Variants in POU2F1 observed in about 807,000 individuals in gnomAD.
POU2F1 encodes POU domain, class 2, transcription factor 1.
In POU2F1, 16 loss-of-function variants were observed where a neutral mutation model predicts 84.9. The observed-to-expected ratio is 0.19, with a 90% CI of 0.13 to 0.29. The LOEUF is 0.29. Ranked by LOEUF, POU2F1 falls within the 10% of genes least tolerant of loss-of-function variation. The pLI is 1.00. For missense variants in POU2F1, 738 were observed against 942.6 expected (o/e 0.78, Z 2.84); for synonymous variants, 368 against 368.3 (o/e 1.00, Z 0.01).
At chr1:167,259,049 C>T (rs1234123182) in intron 1 of POU2F1, among the ~76,000 whole-genome samples, 2 of 152,160 alleles carry the variant, frequency 1.3e-5, no homozygotes, top group East Asian at 1.9e-4. Flanking sequence ...CTGATCTTAA[C>T]CAGGCTTACT....
Position 167,413,039 on chromosome 1 carries a change from A to G in POU2F1, c.1915A>G (p.Ser639Gly), listed in dbSNP as rs757515631. 14 of 1,613,822 alleles carry G rather than the reference A, an allele frequency of 8.7e-6. No individual in the cohort carries two copies. In the South Asian group the frequency reaches 8.8e-5, roughly 10 times the overall value. Residue 639 changes from serine to glycine, a missense_variant, in exon 15 of 16, where the codon AGT (serine) becomes GGT (glycine). Ser to Gly is a moderately conservative substitution (Grantham distance 56). Coordinates refer to ENST00000367866, the MANE Select transcript of POU2F1 (RefSeq NM_002697.4). Reference sequence around the variant, plus strand: ...TTGGACTTGCAGAGGTGCCTTACTCAGTCTGAATCCAGGGACCCTGAGCGG... The same window carrying G: ...TTGGACTTGCAGAGGTGCCTTACTCGGTCTGAATCCAGGGACCCTGAGCGG... Reference protein sequence around the residue: ...SQFAAGGALLSLNPGTLSGAL... With the variant: ...SQFAAGGALLGLNPGTLSGAL...
At chr1:167,306,730 T>C (rs1181028843) in intron 1 of POU2F1, among the ~76,000 whole-genome samples, 3 of 152,180 alleles carry the variant, frequency 2.0e-5, no homozygotes, top group African/African-American at 7.2e-5. Context: ...TCCATCCCTC[T>C]CTTCTTGTCT....
rs559195321 is a variant in POU2F1, at chr1:167,225,126, C to T, written c.61+4168C>T. Among the ~76,000 whole-genome samples, 4 of 152,334 alleles carry T rather than the reference C, an allele frequency of 2.6e-5. No homozygotes were observed. In the East Asian group the frequency reaches 7.7e-4, roughly 29 times the overall value. On this transcript the variant is annotated intron_variant, in intron 1 of 15. Coordinates refer to ENST00000367866, the MANE Select transcript of POU2F1 (RefSeq NM_002697.4). Reference sequence around the variant, plus strand: ...TACAGGCGTGAGCCACCATGCCCAGCCCGTTGTCACTTTCTTAACTCTCCC... The same window carrying T: ...TACAGGCGTGAGCCACCATGCCCAGTCCGTTGTCACTTTCTTAACTCTCCC...
chr1:167,311,926 G>A (rs1009698383), intron 1 of POU2F1, among the ~76,000 whole-genome samples: 2 of 150,890 alleles, frequency 1.3e-5, no homozygotes, highest in African/African-American at 4.9e-5. Context: ...CACACCAAGC[G>A]TGGCTAATTT....
chr1:167,416,092 A>G lies in POU2F1; in HGVS notation c.*282A>G, dbSNP rs1486055906. On this transcript the variant is annotated 3_prime_UTR_variant, in exon 16 of 16. Transcript: ENST00000367866. ...AGAACTTTCTAACCAAAAATTAAAA[A>G]AAAAAAAAAAAAAAGAAACAAAAAA... The G allele has an allele frequency of 7.4e-6, 4 of 537,960 alleles. No homozygotes were observed. The highest frequency in any genetic ancestry group is 1.4e-5 in the Non-Finnish European group (4 of 293,410). The allele number at this position is 537,960 out of a possible 1,614,324, so 33.3% of individuals were successfully genotyped here. A position where few individuals can be genotyped will look rare whatever the true frequency, so the allele number is the denominator to read the frequency against.
At chr1:167,285,741 G>A (rs573744256) in intron 1 of POU2F1, among the ~76,000 whole-genome samples, 19 of 152,084 alleles carry the variant, frequency 1.2e-4, no homozygotes, top group Non-Finnish European at 1.8e-4. Context: ...TTTATCAGTT[G>A]CTATTTAATT....
intron 1 of POU2F1, among the ~76,000 whole-genome samples, chr1:167,310,206 A>G (rs1333483362): frequency 6.6e-6 from 1 of 152,178 alleles, no homozygotes; most frequent in East Asian, 1.9e-4. Flanking sequence ...AAAGGGGAAT[A>G]AAGAAATTGC....
chr1:167,237,763 TA>T (rs1649587834), intron 1 of POU2F1, among the ~76,000 whole-genome samples: 2,688 of 41,434 alleles, frequency 0.065, 456 homozygotes, highest in Non-Finnish European at 0.083. Flanking sequence ...TATATATATA[TA>T]TATATATATT....
intron 2 of POU2F1, among the ~76,000 whole-genome samples, chr1:167,336,223 G>A (rs1322214221): frequency 6.6e-6 from 1 of 152,086 alleles, no homozygotes; most frequent in East Asian, 1.9e-4. Context: ...AGTATAAATC[G>A]TAATTGGATA....
chr1:167,295,271 A>G (rs1047871849), intron 1 of POU2F1, among the ~76,000 whole-genome samples: 4 of 152,182 alleles, frequency 2.6e-5, no homozygotes, highest in Non-Finnish European at 5.9e-5. Context: ...AAGATATGGA[A>G]CCAACCTGAG....
rs1188685652 is a variant in POU2F1 at position 167,332,474 on chromosome 1, A to G, written c.66A>G (p.Ser22=). Reference sequence around the variant, plus strand: ...TTCTCCTCTGATTTATTGCAGACTCAAGAATGAACAATCCGTCAGAAACCA... The same window carrying G: ...TTCTCCTCTGATTTATTGCAGACTCGAGAATGAACAATCCGTCAGAAACCA... ...SSAAAAAAAD[S]RMNNPSETSK... is the part of the protein sequence containing the mutation. Residue 22 remains serine (S), a synonymous_variant, in exon 2 of 16, where the codon TCA becomes TCG. Transcript: ENST00000367866. 1 of 1,608,928 alleles carries G rather than the reference A, an allele frequency of 6.2e-7. No homozygotes were observed. The highest frequency in any genetic ancestry group is 1.7e-5 in the Admixed American group (1 of 59,992).
At chr1:167,407,144 C>T (rs1649638215) in intron 13 of POU2F1, among the ~76,000 whole-genome samples, 1 of 152,128 alleles carries the variant, frequency 6.6e-6, no homozygotes, top group Non-Finnish European at 1.5e-5. Context: ...AGTCCTCCCA[C>T]TTCAGCCTCC....
chr1:167,362,075 A>G (rs1395367987), intron 2 of POU2F1, among the ~76,000 whole-genome samples: 2 of 152,154 alleles, frequency 1.3e-5, no homozygotes, highest in Admixed American at 1.3e-4. Flanking sequence ...GCTCATACTT[A>G]ACTTCCAGTT....
At chr1:167,268,966 C>T (rs115575124) in intron 1 of POU2F1, among the ~76,000 whole-genome samples, 2,330 of 152,112 alleles carry the variant, frequency 0.015, 63 homozygotes, top group African/African-American at 0.054. Flanking sequence ...TCCCTTTGTC[C>T]GTGTAACAAG....
At chr1:167,240,618 G>T (rs142421557) in intron 1 of POU2F1, among the ~76,000 whole-genome samples, 1 of 152,300 alleles carries the variant, frequency 6.6e-6, no homozygotes, top group African/African-American at 2.4e-5. Flanking sequence ...TTTCTTCCAA[G>T]ATAAGTGTTT....
chr1:167,260,672 T>C (rs1002159295), intron 1 of POU2F1, among the ~76,000 whole-genome samples: 10 of 152,218 alleles, frequency 6.6e-5, no homozygotes, highest in African/African-American at 2.4e-4. Flanking sequence ...CATATACACA[T>C]GTTCTACATT....
chr1:167,292,170 A>G (rs1468472645), intron 1 of POU2F1, among the ~76,000 whole-genome samples: 1 of 152,068 alleles, frequency 6.6e-6, no homozygotes, highest in Non-Finnish European at 1.5e-5. Context: ...GTTTTCTGTT[A>G]CCATCTTTTT....
At chr1:167,330,767 A>G (rs1488094694) in intron 1 of POU2F1, among the ~76,000 whole-genome samples, 1 of 152,134 alleles carries the variant, frequency 6.6e-6, no homozygotes, top group African/African-American at 2.4e-5. Flanking sequence ...TAGAATATGA[A>G]TTGTACAAAG....
intron 1 of POU2F1, among the ~76,000 whole-genome samples, chr1:167,308,706 A>G (rs1214963642): frequency 6.6e-6 from 1 of 151,960 alleles, no homozygotes; most frequent in Non-Finnish European, 1.5e-5. Flanking sequence ...TTTTGTAGAG[A>G]CAGGATCTCA....
Sources: gnomAD v4.1 joint callset for allele counts (sites outside exome capture counted in the v4.1 genomes callset) on GRCh38, gnomAD v4.1.1 for gene constraint, MANE v1.5 for transcripts, NCBI Gene and HGNC (gene_info 2026-07-23, HGNC 2026-07-21) for gene names.